OCA2: variants seen among roughly 807,000 people sequenced by gnomAD.
OCA2 encodes the protein OCA2 melanosomal transmembrane protein.
Under a neutral mutation model 100.2 loss-of-function variants are expected in OCA2, and 77 were observed. The observed-to-expected ratio is 0.77, with a 90% CI of 0.64 to 0.93. OCA2 has a LOEUF of 0.93. Ranked by LOEUF, OCA2 falls within the 40% of genes least tolerant of loss-of-function variation. The probability of loss-of-function intolerance (pLI) is 0.00; values close to 1 mark genes in which losing one functional copy is unlikely to be tolerated. For missense variants in OCA2, 1,062 were observed against 1,089.1 expected (o/e 0.98, Z 0.35); for synonymous variants, 432 against 439.2 (o/e 0.98, Z 0.21).
chr15:27,777,086 C>T (rs903426318), intron 23 of OCA2, among the ~76,000 whole-genome samples: 1 of 151,922 alleles, frequency 6.6e-6, no homozygotes, highest in African/African-American at 2.4e-5. Context: ...CTTTCTGCTC[C>T]ACACCCTAGA....
rs150954310 is a variant in OCA2, at chr15:28,043,947, A to C, written c.228-11784T>G. On this transcript the variant is annotated intron_variant, in intron 2 of 23. Transcript: ENST00000354638. This position sits in a 1 kb window ranked among gnomAD's most constrained non-coding sequence, Gnocchi z 4.4. ...ATCTTTTCCTAATAGCCATACTTTC[A>C]CAGAAAGGCCAATGAATGCTTGAGT... Among the ~76,000 whole-genome samples, 792 of 152,294 alleles carry C rather than the reference A, an allele frequency of 5.2e-3. 9 individuals are homozygous for C. The highest frequency in any genetic ancestry group is 0.018 in the African/African-American group (742 of 41,554).
At chr15:28,013,443 G>C (rs902278799) in intron 9 of OCA2, among the ~76,000 whole-genome samples, 1 of 152,168 alleles carries the variant, frequency 6.6e-6, no homozygotes, top group African/African-American at 2.4e-5. Context: ...CTGGGGCAGT[G>C]TGTTCTGCTG....
intron 23 of OCA2, among the ~76,000 whole-genome samples, chr15:27,828,173 C>T (rs149775101): frequency 1.3e-3 from 200 of 152,312 alleles, no homozygotes; most frequent in African/African-American, 4.4e-3. Context: ...ACCCCTACCC[C>T]CTGCCAGCTC....
chr15:27,878,938 G>C (rs973972144), intron 19 of OCA2, among the ~76,000 whole-genome samples: 6 of 152,110 alleles, frequency 3.9e-5, no homozygotes, highest in African/African-American at 7.2e-5. Flanking sequence ...GTAGTTTGCT[G>C]CACCTATCAA....
rs544308399 is a variant in OCA2, at chr15:27,980,515, G to A, written c.1503+2830C>T. 2.0e-5 allele frequency among the ~76,000 whole-genome samples: 3 copies of A among 152,224 alleles called. No homozygotes were observed. In the South Asian group the frequency reaches 6.2e-4, roughly 32 times the overall value. ...TTGTGAAGATCCATGTTTCCATTTG[G>A]TGTTATTTTCCTTCTGCCTTAAGGA... On this transcript the variant is annotated intron_variant, in intron 14 of 23. Coordinates refer to ENST00000354638, the MANE Select transcript of OCA2 (RefSeq NM_000275.3).
chr15:28,000,723 G>C (rs911584583), intron 9 of OCA2, among the ~76,000 whole-genome samples: 1 of 152,110 alleles, frequency 6.6e-6, no homozygotes, highest in Non-Finnish European at 1.5e-5. Flanking sequence ...CTAATAAGGG[G>C]TTAATATTGA....
chr15:27,886,728 C>T (rs375450149), intron 19 of OCA2, among the ~76,000 whole-genome samples: 26 of 152,262 alleles, frequency 1.7e-4, no homozygotes, highest in African/African-American at 6.3e-4. Context: ...TAAAAATAAA[C>T]AAATGGGCAA....
rs551366255 is a variant in OCA2, at chr15:28,058,302, G to GC, written c.227+23345dup. On this transcript the variant is annotated intron_variant, in intron 2 of 23. Transcript: ENST00000354638. Reference sequence around the variant, plus strand: ...AGGCCAGGAGCTGGGCCTGGCTGCTGCCACCCTTGCCTCTACCGCCTCTTC... The same window carrying GC: ...AGGCCAGGAGCTGGGCCTGGCTGCTGCCCACCCTTGCCTCTACCGCCTCTTC... Among the ~76,000 whole-genome samples, 146 of 152,350 alleles carry GC rather than the reference G, an allele frequency of 9.6e-4. 1 individual carries two copies. In the Middle Eastern group the frequency reaches 0.01, roughly 11 times the overall value.
the OCA2 span, among the ~76,000 whole-genome samples, chr15:27,742,993 T>G: frequency 6.6e-6 from 1 of 152,214 alleles, no homozygotes; most frequent in Non-Finnish European, 1.5e-5. Context: ...TTAGGAAGCT[T>G]GTTTTTAATT....
At chr15:28,017,230 G>T (rs940825731) in intron 7 of OCA2, among the ~76,000 whole-genome samples, 12 of 152,154 alleles carry the variant, frequency 7.9e-5, no homozygotes, top group African/African-American at 2.9e-4. Flanking sequence ...TATCTGGGGG[G>T]AAAAATCCTT....
chr15:27,815,390 A>G (rs777445631), intron 23 of OCA2, among the ~76,000 whole-genome samples: 52 of 152,170 alleles, frequency 3.4e-4, no homozygotes, highest in Non-Finnish European at 4.3e-4. Context: ...AGTTTAAACC[A>G]ACAATTATAC....
intron 23 of OCA2, among the ~76,000 whole-genome samples, chr15:27,812,977 T>A (rs2034139019): frequency 6.6e-6 from 1 of 151,818 alleles, no homozygotes. Context: ...CCCCAGAGAC[T>A]CCCTTCTGCC....
intron 19 of OCA2, among the ~76,000 whole-genome samples, chr15:27,897,500 C>T (rs539959281): frequency 6.6e-6 from 1 of 152,342 alleles, no homozygotes; most frequent in East Asian, 1.9e-4. Flanking sequence ...GCCTTGGCAG[C>T]TTTCACGTGC....
chr15:27,742,234 A>C, the OCA2 span, among the ~76,000 whole-genome samples: 2 of 152,192 alleles, frequency 1.3e-5, no homozygotes, highest in Non-Finnish European at 2.9e-5. Flanking sequence ...GAGAGTGGGC[A>C]CTGACAAAGC....
chr15:27,994,743 G>A (rs933315547), intron 9 of OCA2, among the ~76,000 whole-genome samples: 7 of 152,210 alleles, frequency 4.6e-5, no homozygotes, highest in South Asian at 2.1e-4. Context: ...GGCCAGCATC[G>A]CTTCCTGGGA....
intron 21 of OCA2, among the ~76,000 whole-genome samples, chr15:27,870,028 C>T (rs2036481332): frequency 6.6e-6 from 1 of 152,220 alleles, no homozygotes; most frequent in Non-Finnish European, 1.5e-5. Context: ...ACTAGAGGGC[C>T]AACCTAGGCA....
At chr15:27,988,561 A>G (rs990940332) in intron 11 of OCA2, among the ~76,000 whole-genome samples, 6 of 152,128 alleles carry the variant, frequency 3.9e-5, no homozygotes, top group Non-Finnish European at 7.4e-5. Flanking sequence ...GCTCAGGAGA[A>G]AGCATGCCTG....
chr15:27,731,865 G>A, the OCA2 span, among the ~76,000 whole-genome samples: 3 of 152,134 alleles, frequency 2.0e-5, no homozygotes, highest in Admixed American at 2.0e-4. Context: ...CCCCAGTGTG[G>A]GTTCCTATAT....
At chr15:27,780,335 T>C (rs2032473181) in intron 23 of OCA2, among the ~76,000 whole-genome samples, 1 of 152,198 alleles carries the variant, frequency 6.6e-6, no homozygotes, top group Non-Finnish European at 1.5e-5. Flanking sequence ...CTGACCACAG[T>C]TGGCCCTCTG....
Sources: allele counts gnomAD v4.1 joint callset (sites outside exome capture counted in the v4.1 genomes callset), GRCh38; gene constraint gnomAD v4.1.1; non-coding constraint Gnocchi (gnomAD v3.1); transcripts MANE v1.5; gene names NCBI Gene and HGNC (gene_info 2026-07-23, HGNC 2026-07-21).